The following TXNDC11 variants were observed in gnomAD, a reference collection of about 807,000 sequenced individuals.
TXNDC11 encodes the protein thioredoxin domain-containing protein 11.
Under a neutral mutation model 78.0 loss-of-function variants are expected in TXNDC11, and 68 were observed. That is an observed-to-expected ratio of 0.87 (90% CI 0.72 to 1.07). The LOEUF is 1.07. Ranked by LOEUF, TXNDC11 falls within the 50% of genes least tolerant of loss-of-function variation. TXNDC11 has a pLI of 0.00. For missense variants in TXNDC11, 1,389 were observed against 1,221.8 expected, an observed-to-expected ratio of 1.14 and a Z score of -2.04; for synonymous variants, 571 against 495.2, an observed-to-expected ratio of 1.15 and a Z score of -2.03.
chr16:11,710,934 G>A (rs1221770646), intron 5 of TXNDC11, among the ~76,000 whole-genome samples: 4 of 152,080 alleles, frequency 2.6e-5, no homozygotes, highest in Non-Finnish European at 5.9e-5. Context: ...ACCAAGACAG[G>A]CTGCTAAGCG....
intron 5 of TXNDC11, 35 bp from the exon 6 acceptor site, chr16:11,700,599 G>C (rs538587552): frequency 1.0e-5 from 11 of 1,084,736 alleles, no homozygotes; most frequent in Admixed American, 1.8e-5. Context: ...TAAAGAAAAG[G>C]CCTGTGCCTT....
At chr16:11,703,286 G>C (rs926188751) in intron 5 of TXNDC11, among the ~76,000 whole-genome samples, 2 of 152,148 alleles carry the variant, frequency 1.3e-5, no homozygotes, top group Non-Finnish European at 2.9e-5. Flanking sequence ...GTACATAAAT[G>C]CTGTAAATCT....
At chr16:11,706,902 T>C (rs1426092503) in intron 5 of TXNDC11, among the ~76,000 whole-genome samples, 1 of 152,160 alleles carries the variant, frequency 6.6e-6, no homozygotes, top group East Asian at 1.9e-4. Flanking sequence ...CTTACATGCA[T>C]ATTTTTTTTA....
intron 8 of TXNDC11, among the ~76,000 whole-genome samples, chr16:11,689,164 C>G (rs2050643871): frequency 6.6e-6 from 1 of 151,372 alleles, no homozygotes; most frequent in Non-Finnish European, 1.5e-5. Flanking sequence ...TCATAGCTCA[C>G]TGTAGCCTTA....
At chr16:11,723,512 G>C (rs545961501) in intron 4 of TXNDC11, among the ~76,000 whole-genome samples, 1 of 152,200 alleles carries the variant, frequency 6.6e-6, no homozygotes, top group African/African-American at 2.4e-5. Context: ...TTGAACCAGG[G>C]AGGTGGAGGT....
In TXNDC11 at chr16:11,693,761, G is replaced by C. The variant is rs2050782150; in HGVS notation, c.1108-1679C>G. Among the ~76,000 whole-genome samples the C allele has an allele frequency of 1.3e-5, 2 of 152,120 alleles. 1 individual carries two copies. The highest frequency in any genetic ancestry group is 4.1e-4 in the South Asian group (2 of 4,832). On this transcript the variant is annotated intron_variant, in intron 7 of 11. Coordinates refer to ENST00000283033, the MANE Select transcript of TXNDC11 (RefSeq NM_015914.7). The stretch of plus-strand genomic sequence containing the variant: ...GCACAAAAACATCTCAGTGGTTTTT[G>C]GATGAGGCTCTGACAGCATGCAGTA...
chr16:11,714,902 T>C (rs780639670), intron 5 of TXNDC11, among the ~76,000 whole-genome samples: 3 of 152,124 alleles, frequency 2.0e-5, no homozygotes, highest in Non-Finnish European at 4.4e-5. Context: ...CCTCATCAAC[T>C]GAGTTTAGGA....
intron 5 of TXNDC11, among the ~76,000 whole-genome samples, chr16:11,717,345 T>C (rs2051555834): frequency 7.2e-6 from 1 of 139,854 alleles, no homozygotes; most frequent in Non-Finnish European, 1.5e-5. Context: ...GGCTGAGGCA[T>C]GAGAATCCCT....
At chr16:11,728,592 C>T (rs866194107) in intron 4 of TXNDC11, among the ~76,000 whole-genome samples, 2 of 152,156 alleles carry the variant, frequency 1.3e-5, no homozygotes, top group African/African-American at 4.8e-5. Flanking sequence ...GCAGTAATGT[C>T]GTCAGTAGAT....
At position 11,679,309 on chromosome 16, in the gene TXNDC11, G is replaced by T. The variant is rs774251231; in HGVS notation, c.2763C>A (p.His921Gln). ...AESLAAQREV[H>Q]PKQPEPSATP... Reference sequence around the variant, plus strand: ...TGGCTGAGGGCTCAGGCTGCTTGGGGTGGACCTCTCTCTGGGCCGCCAGGC... The same window carrying T: ...TGGCTGAGGGCTCAGGCTGCTTGGGTTGGACCTCTCTCTGGGCCGCCAGGC... The change falls in exon 12 of 12, where the codon CAC becomes CAA. Residue 921 changes from histidine (H) to glutamine (Q), a missense_variant. By Grantham distance (24) the His-to-Gln change is conservative. Coordinates refer to ENST00000283033, the MANE Select transcript of TXNDC11 (RefSeq NM_015914.7). This position sits in a 1 kb window ranked among gnomAD's most constrained non-coding sequence, Gnocchi z 4.6. 2.5e-6 allele frequency: 4 copies of T among 1,612,680 alleles called. No homozygotes were observed. In the African/African-American group the frequency reaches 4.0e-5, roughly 16 times the overall value.
rs79362431 is a variant in TXNDC11 at position 11,687,885 on chromosome 16, G to C, written c.2125C>G (p.Leu709Val). 5.0e-3 allele frequency: 8,083 copies of C among 1,613,654 alleles called. 34 individuals are homozygous for C. The highest frequency in any genetic ancestry group is 0.019 in the Middle Eastern group (117 of 6,062). Residue 709 changes from leucine to valine, a missense_variant, in exon 10 of 12, where the codon CTG becomes GTG. Transcript: ENST00000283033. ...GCCACAGTGAATGTGTCCATGGGCA[G>C]GTTCCGAGCTAGCTGGATGAAGATG... ...NHIFIQLARNLPMDTFTVARI... is the reference protein window; with the variant it reads ...NHIFIQLARNVPMDTFTVARI...
intron 5 of TXNDC11, chr16:11,703,771 G>C: frequency 1.4e-6 from 1 of 700,316 alleles, no homozygotes; most frequent in Non-Finnish European, 2.6e-6. Flanking sequence ...GAAAGTACAA[G>C]ATAAGCCTGA....
intron 3 of TXNDC11, among the ~76,000 whole-genome samples, chr16:11,733,412 A>G (rs2052113771): frequency 6.6e-6 from 1 of 151,982 alleles, no homozygotes; most frequent in African/African-American, 2.4e-5. Context: ...CTGTAGTCCC[A>G]ACTACTTGGG....
At chr16:11,733,955 G>T in intron 3 of TXNDC11, 27 bp downstream of exon 3, 2 of 1,504,218 alleles carry the variant, frequency 1.3e-6, no homozygotes, top group Non-Finnish European at 1.8e-6. Flanking sequence ...AAACTGGAAT[G>T]AGAGACGCTA....
chr16:11,739,990 C>T (rs1372550776), intron 1 of TXNDC11, among the ~76,000 whole-genome samples: 4 of 151,896 alleles, frequency 2.6e-5, no homozygotes, highest in South Asian at 2.1e-4. Context: ...GTCAGGAGTT[C>T]GAGACCAGCC....
At chr16:11,696,676 C>A (rs915317439) in intron 7 of TXNDC11, among the ~76,000 whole-genome samples, 3 of 152,186 alleles carry the variant, frequency 2.0e-5, no homozygotes, top group African/African-American at 7.2e-5. Context: ...CTCACAGAGA[C>A]AATGGGAGCC....
intron 5 of TXNDC11, among the ~76,000 whole-genome samples, chr16:11,709,595 C>A (rs1160412406): frequency 6.6e-4 from 100 of 151,546 alleles, no homozygotes; most frequent in Non-Finnish European, 2.5e-4. Context: ...CTACCATGCC[C>A]GGCTAATTTT....
intron 4 of TXNDC11, among the ~76,000 whole-genome samples, chr16:11,729,620 T>TA (rs1200179508): frequency 2.0e-5 from 3 of 152,226 alleles, no homozygotes; most frequent in Admixed American, 2.0e-4. Flanking sequence ...TTTTAATCTC[T>TA]GTCAGGTATT....
At chr16:11,706,046 C>A (rs1265827661) in intron 5 of TXNDC11, among the ~76,000 whole-genome samples, 1 of 152,062 alleles carries the variant, frequency 6.6e-6, no homozygotes, top group Non-Finnish European at 1.5e-5. Flanking sequence ...TAAAAATAAA[C>A]TAAGACTCAT....
Sources: allele counts gnomAD v4.1 joint callset (sites outside exome capture counted in the v4.1 genomes callset), GRCh38; gene constraint gnomAD v4.1.1; non-coding constraint Gnocchi (gnomAD v3.1); transcripts MANE v1.5; gene names NCBI Gene and HGNC (gene_info 2026-07-23, HGNC 2026-07-21).